SWT1: variants seen among roughly 807,000 people sequenced by gnomAD.
The protein encoded by SWT1 is transcriptional protein SWT1.
SWT1 carries 33 observed loss-of-function variants against 107.3 expected under a neutral mutation model. The ratio of observed to expected loss-of-function variants is 0.31; its 90% confidence interval spans 0.23 to 0.41. The LOEUF (loss-of-function observed/expected upper bound fraction) is 0.41, where lower values mean the gene tolerates loss of function less well. SWT1 is among the 10% of genes least tolerant of loss of function. SWT1 has a pLI of 1.00. For missense variants in SWT1, 898 were observed against 1,028.9 expected (o/e 0.87, Z 1.74); for synonymous variants, 345 against 348.3 (o/e 0.99, Z 0.11).
chr1:185,201,459 G>C (rs189615544), intron 10 of SWT1, among the ~76,000 whole-genome samples: 3 of 152,146 alleles, frequency 2.0e-5, no homozygotes, highest in African/African-American at 7.2e-5. Context: ...GGAGTGCACC[G>C]TTCCTCAGGG....
intron 16 of SWT1, among the ~76,000 whole-genome samples, chr1:185,260,067 T>C (rs961076958): frequency 6.6e-6 from 1 of 152,174 alleles, no homozygotes; most frequent in African/African-American, 2.4e-5. Context: ...TTGTTATTTT[T>C]AAGCTTAGGA....
intron 10 of SWT1, among the ~76,000 whole-genome samples, chr1:185,191,244 C>G (rs369925124): frequency 6.6e-6 from 1 of 152,146 alleles, no homozygotes; most frequent in Non-Finnish European, 1.5e-5. Flanking sequence ...CCCTCCTTCT[C>G]CCTTCCCCCT....
chr1:185,226,731 ACTT>A, intron 15 of SWT1: 1 of 477,634 alleles, frequency 2.1e-6, no homozygotes, highest in South Asian at 5.2e-5. Context: ...AGCTTCTGAG[ACTT>A]TTTTTTTTTT....
intron 5 of SWT1, among the ~76,000 whole-genome samples, chr1:185,179,214 A>G (rs938818243): frequency 3.3e-5 from 5 of 152,128 alleles, no homozygotes; most frequent in African/African-American, 1.2e-4. Flanking sequence ...GGTTGTAGTG[A>G]CCTGAGATCA....
At chr1:185,282,035 T>C (rs1359294317) in intron 18 of SWT1, among the ~76,000 whole-genome samples, 1 of 152,178 alleles carries the variant, frequency 6.6e-6, no homozygotes, top group Non-Finnish European at 1.5e-5. Flanking sequence ...GAGTTGAGGA[T>C]GTAATAGTCA....
chr1:185,264,878 A>G (rs1459314847), intron 16 of SWT1, among the ~76,000 whole-genome samples: 3 of 152,224 alleles, frequency 2.0e-5, no homozygotes, highest in Non-Finnish European at 4.4e-5. Context: ...TGTAGTATTT[A>G]TTAGTATATT....
chr1:185,184,673 T>A (rs1047074079), intron 8 of SWT1, 70 bp from the exon 9 acceptor site: 29 of 1,233,562 alleles, frequency 2.4e-5, no homozygotes, highest in Non-Finnish European at 3.2e-5. Flanking sequence ...CTTTTACCTC[T>A]TGGACAGCAA....
intron 14 of SWT1, among the ~76,000 whole-genome samples, chr1:185,220,247 CT>C (rs1268282695): frequency 6.0e-4 from 51 of 84,820 alleles, no homozygotes; most frequent in Admixed American, 9.0e-4. Flanking sequence ...TTCTTTCTTT[CT>C]TTTTTTTTTT....
At chr1:185,186,958 T>C (rs1656528210) in intron 9 of SWT1, among the ~76,000 whole-genome samples, 1 of 151,970 alleles carries the variant, frequency 6.6e-6, no homozygotes, top group East Asian at 1.9e-4. Context: ...TTTCACCATG[T>C]TGGCCAGGCT....
chr1:185,224,130 C>T (rs1289518487), intron 15 of SWT1, among the ~76,000 whole-genome samples: 1 of 152,110 alleles, frequency 6.6e-6, no homozygotes, highest in South Asian at 2.1e-4. Flanking sequence ...GTATAGTTTG[C>T]ATATATTTTC....
chr1:185,290,925 A>T lies in SWT1; in HGVS notation c.*122A>T. 1 of 762,592 alleles carries T rather than the reference A, an allele frequency of 1.3e-6. No individual in the cohort carries two copies. The highest frequency in any genetic ancestry group is 2.3e-5 in the South Asian group (1 of 42,738). The allele number at this position is 762,592 out of a possible 1,614,324, so 47.2% of individuals were successfully genotyped here. On this transcript the variant is annotated 3_prime_UTR_variant, in exon 19 of 19. Coordinates refer to ENST00000367500, the MANE Select transcript of SWT1 (RefSeq NM_017673.7). ...TTTAAGAAATGTTTCATAGGTATAA[A>T]AAGGTGATCGCCTATTACTGACAGT...
intron 17 of SWT1, 111 bp downstream of exon 17, chr1:185,271,500 T>G: frequency 1.6e-6 from 1 of 607,768 alleles, no homozygotes; most frequent in South Asian, 2.0e-5. Flanking sequence ...TAATTGATAT[T>G]TGCTTTAAAT....
intron 9 of SWT1, among the ~76,000 whole-genome samples, chr1:185,188,089 C>A (rs1656651231): frequency 6.6e-6 from 1 of 152,182 alleles, no homozygotes; most frequent in South Asian, 2.1e-4. Flanking sequence ...ATTTACTCCT[C>A]ATGATTAAAA....
chr1:185,217,060 C>CAAAGATTCAT (rs1659277898), intron 14 of SWT1, among the ~76,000 whole-genome samples: 1 of 152,132 alleles, frequency 6.6e-6, no homozygotes, highest in Non-Finnish European at 1.5e-5. Context: ...TTCATGAAGG[C>CAAAGATTCAT]GAGTAGCAAA....
At chr1:185,228,370 A>C (rs1660254784) in intron 15 of SWT1, among the ~76,000 whole-genome samples, 1 of 151,336 alleles carries the variant, frequency 6.6e-6, no homozygotes, top group African/African-American at 2.4e-5. Flanking sequence ...GAAATCAAAA[A>C]AGTTAGCCTT....
chr1:185,266,716 A>G (rs572202624), intron 16 of SWT1: 190 of 149,696 alleles, frequency 1.3e-3, no homozygotes, highest in African/African-American at 4.5e-3. Flanking sequence ...CTATTGAGCT[A>G]TATAGAAATG....
intron 13 of SWT1, among the ~76,000 whole-genome samples, chr1:185,207,011 A>T (rs917586427): frequency 7.9e-5 from 12 of 152,250 alleles, no homozygotes; most frequent in African/African-American, 2.9e-4. Flanking sequence ...TATTGTTGAT[A>T]TTTCAAAATA....
intron 16 of SWT1, among the ~76,000 whole-genome samples, chr1:185,238,496 T>G (rs897914218): frequency 6.6e-6 from 1 of 152,192 alleles, no homozygotes; most frequent in Admixed American, 6.5e-5. Flanking sequence ...AATAAAAATA[T>G]CTGTAGGTAT....
At chr1:185,244,131 T>G (rs1178930299) in intron 16 of SWT1, among the ~76,000 whole-genome samples, 3 of 151,888 alleles carry the variant, frequency 2.0e-5, no homozygotes, top group Non-Finnish European at 4.4e-5. Flanking sequence ...AGGGATAGGG[T>G]CTCACTGTGT....
Sources: allele counts gnomAD v4.1 joint callset (sites outside exome capture counted in the v4.1 genomes callset), GRCh38; gene constraint gnomAD v4.1.1; transcripts MANE v1.5; gene names NCBI Gene and HGNC (gene_info 2026-07-23, HGNC 2026-07-21).